MCF2L: variants seen among roughly 807,000 people sequenced by gnomAD.
MCF2L encodes the protein guanine nucleotide exchange factor DBS.
Under a neutral mutation model 153.4 loss-of-function variants are expected in MCF2L, and 97 were observed. That is an observed-to-expected ratio of 0.63 (90% CI 0.54 to 0.75). MCF2L has a LOEUF of 0.75. Ranked by LOEUF, MCF2L falls within the 30% of genes least tolerant of loss-of-function variation. MCF2L has a pLI of 0.00. For missense variants in MCF2L, 1,347 were observed against 1,495.2 expected (o/e 0.90, Z 1.64); for synonymous variants, 659 against 632.2 (o/e 1.04, Z -0.64).
chr13:112,904,127 C>T lies in MCF2L; in HGVS notation c.169+1756C>T, dbSNP rs760161546. Among the ~76,000 whole-genome samples the T allele has an allele frequency of 1.5e-3, 196 of 132,956 alleles. 2 individuals are homozygous for T. Among genetic ancestry groups the T allele is most frequent in the Non-Finnish European group, 1.7e-3 (106 of 63,660 alleles). 87.2% of individuals were successfully genotyped at this position (132,956 alleles called of 152,430 possible). A position where few individuals can be genotyped will look rare whatever the true frequency, so the allele number is the denominator to read the frequency against. ...GCTCTGGGGACTGAGGAGCTGGCCG[C>T]GGTTAGGGTTAGGGTTAGAGGTTAA... On this transcript the variant is annotated intron_variant, in intron 2 of 29. Transcript: ENST00000375608. The surrounding 1 kb of genome is among the most constrained non-coding windows in gnomAD (Gnocchi z 4.2).
chr13:113,066,466 G>A (rs4907582), intron 8 of MCF2L, among the ~76,000 whole-genome samples: 2 of 152,016 alleles, frequency 1.3e-5, no homozygotes, highest in Non-Finnish European at 2.9e-5. Flanking sequence ...AAGCAGAGGC[G>A]ATGGGAGTGC....
At chr13:113,025,840 G>A (rs1464877814) in intron 3 of MCF2L, among the ~76,000 whole-genome samples, 6 of 140,042 alleles carry the variant, frequency 4.3e-5, no homozygotes, top group African/African-American at 8.0e-5. Flanking sequence ...TCTCTGTGAG[G>A]TTTCATCATG....
intron 1 of MCF2L, among the ~76,000 whole-genome samples, chr13:112,895,783 G>A (rs1405799483): frequency 6.6e-6 from 1 of 152,180 alleles, no homozygotes; most frequent in African/African-American, 2.4e-5. Context: ...TGTGGGGCCG[G>A]CTCCGCCCTC....
chr13:113,066,332 C>T (rs1357478906), intron 8 of MCF2L, among the ~76,000 whole-genome samples, 162 bp downstream of exon 8: 1 of 152,214 alleles, frequency 6.6e-6, no homozygotes, highest in Admixed American at 6.5e-5. Flanking sequence ...GCCTCCGAGC[C>T]TCTGTGTGGG....
chr13:113,085,188 G>A lies in MCF2L; in HGVS notation c.2247+10G>A, dbSNP rs201339908. The A allele has an allele frequency of 6.4e-4, 1,039 of 1,612,238 alleles. 4 individuals carry two copies. In the African/African-American group the frequency reaches 0.012, roughly 18 times the overall value. ...CCAGCTGCTGCTCAAGGTGGGCTCCGCGGTGACCGTGGCCCGGCCTCCCCA... is the reference window on the plus strand; with the variant it reads ...CCAGCTGCTGCTCAAGGTGGGCTCCACGGTGACCGTGGCCCGGCCTCCCCA... On this transcript the variant is annotated intron_variant, in intron 20 of 29. Coordinates refer to ENST00000535094, the MANE Select transcript of MCF2L (RefSeq NM_001112732.3).
At chr13:113,041,848 G>C (rs1198757847) in intron 3 of MCF2L, among the ~76,000 whole-genome samples, 2 of 152,116 alleles carry the variant, frequency 1.3e-5, no homozygotes, top group Non-Finnish European at 2.9e-5. Context: ...TGCTTGGTGG[G>C]AACATTAGGA....
At chr13:113,013,495 C>T (rs1255121907) in intron 1 of MCF2L, among the ~76,000 whole-genome samples, 1 of 152,216 alleles carries the variant, frequency 6.6e-6, no homozygotes, top group Non-Finnish European at 1.5e-5. Context: ...CCTTTGTGTT[C>T]CACTGTGTCC....
At chr13:112,910,225 G>C (rs2081216952) in intron 2 of MCF2L, 1 of 152,182 alleles carries the variant, frequency 6.6e-6, no homozygotes, top group African/African-American at 2.4e-5. Flanking sequence ...CAAGCCTGCT[G>C]GTAGGAATGC....
intron 2 of MCF2L, among the ~76,000 whole-genome samples, chr13:112,913,163 G>A (rs1319064452): frequency 6.8e-6 from 1 of 146,816 alleles, no homozygotes; most frequent in African/African-American, 2.5e-5. Flanking sequence ...GTGTCTGTAT[G>A]TATGGGGTGT....
intron 26 of MCF2L, chr13:113,090,918 C>A (rs1334011607): frequency 3.4e-6 from 4 of 1,189,124 alleles, no homozygotes; most frequent in Non-Finnish European, 4.2e-6. Context: ...GCCCCCACTC[C>A]CATGCCCTCC....
intron 1 of MCF2L, among the ~76,000 whole-genome samples, chr13:113,004,041 T>G (rs181516568): frequency 5.3e-5 from 8 of 152,360 alleles, no homozygotes; most frequent in Admixed American, 3.3e-4. Context: ...TTATGACGAC[T>G]GTTCTCATTC....
intron 13 of MCF2L, among the ~76,000 whole-genome samples, chr13:113,078,084 ACGCCACCACC>A (rs1415441198): frequency 2.7e-4 from 37 of 136,564 alleles, no homozygotes; most frequent in African/African-American, 9.1e-4. Flanking sequence ...AGTCCTGCCC[ACGCCACCACC>A]TGTGGCCTCA....
intron 2 of MCF2L, among the ~76,000 whole-genome samples, chr13:112,909,026 T>C (rs2081202104): frequency 6.6e-6 from 1 of 152,188 alleles, no homozygotes; most frequent in African/African-American, 2.4e-5. Context: ...GCCCCGCCCA[T>C]GCTTATGTTT....
chr13:112,956,581 A>T (rs962094219), intron 2 of MCF2L: 1 of 152,288 alleles, frequency 6.6e-6, no homozygotes, highest in African/African-American at 2.4e-5. Context: ...TTTTCAGAGG[A>T]TGCTGGAGGA....
Position 112,918,548 on chromosome 13 carries a change from A to G in MCF2L, c.169+16177A>G, listed in dbSNP as rs187667354. The stretch of plus-strand genomic sequence containing the variant: ...ACACCCTGGAAAGGCCAGTTTGAAA[A>G]ACCTAGGCCTGGGGGGATGCAGCCT... On this transcript the variant is annotated intron_variant, in intron 2 of 29. Transcript: ENST00000375608. Among the ~76,000 whole-genome samples, 238 of 152,056 alleles carry G rather than the reference A, an allele frequency of 1.6e-3. 1 individual carries two copies. The highest frequency in any genetic ancestry group is 5.4e-3 in the African/African-American group (225 of 41,468).
chr13:112,988,452 A>G (rs568389687), intron 1 of MCF2L, among the ~76,000 whole-genome samples: 1 of 152,212 alleles, frequency 6.6e-6, no homozygotes, highest in Admixed American at 6.5e-5. Context: ...GTGCGTTTTA[A>G]TTCTCGGCAG....
At position 113,086,398 on chromosome 13, in the gene MCF2L, A is replaced by G. The variant is rs565811378; in HGVS notation, c.2373+149A>G. ...TCTGGGGTGGTCCCTAGATAAGCCC[A>G]CTCCCAGGCCCCACAGCCGGGTCCA... On this transcript the variant is annotated intron_variant, in intron 21 of 29. Coordinates refer to ENST00000535094, the MANE Select transcript of MCF2L (RefSeq NM_001112732.3). 8.9e-5 allele frequency: 94 copies of G among 1,059,750 alleles called. 4 individuals are homozygous for G. In the South Asian group the frequency reaches 1.7e-3, roughly 19 times the overall value. The allele number at this position is 1,059,750 out of a possible 1,614,324, so 65.6% of individuals were successfully genotyped here. A position where few individuals can be genotyped will look rare whatever the true frequency, so the allele number is the denominator to read the frequency against.
At position 113,096,505 on chromosome 13, in the gene MCF2L, C is replaced by G. The variant is rs776480331; in HGVS notation, c.3188+22C>G. The G allele has an allele frequency of 5.7e-6, 9 of 1,581,374 alleles. No individual in the cohort carries two copies. In the South Asian group the frequency reaches 6.9e-5, roughly 12 times the overall value. ...TCTGGTAAGACCCCGCGCTCAGCCC[C>G]GGACTGCCCCGCACGTGGCTGCCGC... On this transcript the variant is annotated intron_variant, in intron 28 of 29. Coordinates refer to ENST00000535094, the MANE Select transcript of MCF2L (RefSeq NM_001112732.3).
chr13:113,085,572 A>G (rs1022935803), intron 20 of MCF2L, among the ~76,000 whole-genome samples: 3 of 152,138 alleles, frequency 2.0e-5, no homozygotes, highest in Non-Finnish European at 4.4e-5. Flanking sequence ...AGGAAACTGC[A>G]ACTCCATGCC....
Sources: gnomAD v4.1 joint callset for allele counts (sites outside exome capture counted in the v4.1 genomes callset) on GRCh38, gnomAD v4.1.1 for gene constraint, Gnocchi (gnomAD v3.1) non-coding constraint, MANE v1.5 for transcripts, NCBI Gene and HGNC (gene_info 2026-07-23, HGNC 2026-07-21) for gene names.